The following RAB3GAP1 variants were observed in gnomAD, a reference collection of about 807,000 sequenced individuals.
The protein encoded by RAB3GAP1 is RAB3 GTPase activating protein catalytic subunit 1.
A neutral mutation model predicts 130.7 loss-of-function variants in RAB3GAP1; 86 were observed. The ratio of observed to expected loss-of-function variants is 0.66; its 90% CI spans 0.55 to 0.79. The LOEUF is 0.79. RAB3GAP1 is among the 30% of genes least tolerant of loss of function. The pLI, the probability that RAB3GAP1 is intolerant of heterozygous loss-of-function variation, is 0.00. For synonymous variants in RAB3GAP1, 367 were observed against 401.7 expected, an observed-to-expected ratio of 0.91 and a Z score of 1.03; for missense variants, 1,029 against 1,169.4, an observed-to-expected ratio of 0.88 and a Z score of 1.75.
intron 6 of RAB3GAP1, among the ~76,000 whole-genome samples, chr2:135,113,707 C>G (rs1188490751): frequency 1.3e-5 from 2 of 152,004 alleles, no homozygotes; most frequent in Admixed American, 6.6e-5. Flanking sequence ...GTTCTGAAGA[C>G]TATGTGATTC....
chr2:135,174,449 GTGCTGGGCCAGGGCCTTGCC>G (rs1476265416), downstream of RAB3GAP1, among the ~76,000 whole-genome samples: 1 of 152,216 alleles, frequency 6.6e-6, no homozygotes, highest in African/African-American at 2.4e-5. Flanking sequence ...GCCTGCCTGT[GTGCTGGGCCAGGGCCTTGCC>G]TTAAAACAGC....
chr2:135,117,001 A>T (rs184607759), intron 7 of RAB3GAP1, among the ~76,000 whole-genome samples: 14 of 152,290 alleles, frequency 9.2e-5, no homozygotes, highest in African/African-American at 3.4e-4. Context: ...TAAATAGTGT[A>T]CTGGTAGGAT....
At chr2:135,068,233 T>C (rs1689375808) in intron 3 of RAB3GAP1, among the ~76,000 whole-genome samples, 1 of 152,200 alleles carries the variant, frequency 6.6e-6, no homozygotes, top group South Asian at 2.1e-4. Flanking sequence ...TCAAGTTTAA[T>C]TCTGAGATAG....
At chr2:135,118,581 G>A (rs1193565504) in intron 7 of RAB3GAP1, among the ~76,000 whole-genome samples, 1 of 151,994 alleles carries the variant, frequency 6.6e-6, no homozygotes, top group Non-Finnish European at 1.5e-5. Flanking sequence ...TATGTTTTGG[G>A]AAATTTAGTT....
chr2:135,095,350 A>C (rs1455041683), intron 5 of RAB3GAP1, among the ~76,000 whole-genome samples: 3 of 152,244 alleles, frequency 2.0e-5, no homozygotes, highest in Non-Finnish European at 2.9e-5. Flanking sequence ...GCCCGGCCGC[A>C]GGCAGGCTTT....
At chr2:135,164,772 C>T in intron 23 of RAB3GAP1, 76 bp downstream of exon 23, 1 of 1,178,432 alleles carries the variant, frequency 8.5e-7, no homozygotes, top group Non-Finnish European at 1.2e-6. Flanking sequence ...TTAGTTCCCA[C>T]ACGTGGCTGA....
At chr2:135,163,252 G>C (rs1692522549) in intron 22 of RAB3GAP1, 151 bp downstream of exon 22, 3 of 704,202 alleles carry the variant, frequency 4.3e-6, no homozygotes, top group Non-Finnish European at 7.7e-6. Context: ...AATTATCATA[G>C]CATTTGACCT....
chr2:135,069,784 T>C (rs978664844), intron 3 of RAB3GAP1, among the ~76,000 whole-genome samples: 9 of 152,202 alleles, frequency 5.9e-5, no homozygotes, highest in Non-Finnish European at 1.2e-4. Flanking sequence ...AACAACCTTC[T>C]ACCCCTGCCC....
chr2:135,158,236 A>AT (rs1040413662), intron 19 of RAB3GAP1, among the ~76,000 whole-genome samples: 61 of 151,624 alleles, frequency 4.0e-4, no homozygotes, highest in African/African-American at 1.4e-3. Flanking sequence ...ACATAGCTTG[A>AT]TTTTTTTTTA....
chr2:135,087,540 C>T (rs1690021492), intron 3 of RAB3GAP1, among the ~76,000 whole-genome samples: 1 of 152,186 alleles, frequency 6.6e-6, no homozygotes, highest in South Asian at 2.1e-4. Flanking sequence ...TCTATTAGGT[C>T]TTTAATATCT....
chr2:135,108,803 G>C (rs1336689964), intron 5 of RAB3GAP1, among the ~76,000 whole-genome samples: 2 of 152,092 alleles, frequency 1.3e-5, no homozygotes, highest in African/African-American at 4.8e-5. Flanking sequence ...TGTTCTAGGA[G>C]TTTTATAACT....
chr2:135,138,840 C>G (rs1458670306), intron 17 of RAB3GAP1, among the ~76,000 whole-genome samples: 1 of 152,084 alleles, frequency 6.6e-6, no homozygotes, highest in East Asian at 1.9e-4. Flanking sequence ...TGGTCCTAAA[C>G]TCCTGACCTC....
chr2:135,162,268 C>T, intron 19 of RAB3GAP1: 1 of 347,756 alleles, frequency 2.9e-6, no homozygotes, highest in South Asian at 3.5e-5. Context: ...TGGTTGTTTT[C>T]TCTTGGTATT....
intron 5 of RAB3GAP1, 122 bp from the exon 6 acceptor site, chr2:135,113,027 AAC>A: frequency 7.4e-7 from 1 of 1,347,434 alleles, no homozygotes; most frequent in Non-Finnish European, 1.1e-6. Flanking sequence ...CATTAAAAGA[AAC>A]ACTTTTAGTT....
At chr2:135,112,720 T>A (rs1316789541) in intron 5 of RAB3GAP1, among the ~76,000 whole-genome samples, 11 of 152,158 alleles carry the variant, frequency 7.2e-5, no homozygotes, top group Admixed American at 6.5e-4. Context: ...ATTACAGTGG[T>A]CTTATGAATA....
chr2:135,139,784 G>C (rs1057305441), intron 17 of RAB3GAP1, among the ~76,000 whole-genome samples: 4 of 151,984 alleles, frequency 2.6e-5, no homozygotes, highest in African/African-American at 9.7e-5. Flanking sequence ...TTGAAATGTG[G>C]CTAATGTTTC....
At chr2:135,159,928 G>A (rs1692419857) in intron 19 of RAB3GAP1, among the ~76,000 whole-genome samples, 1 of 152,194 alleles carries the variant, frequency 6.6e-6, no homozygotes, top group Admixed American at 6.5e-5. Flanking sequence ...GAAAGGACCA[G>A]AATAGGCAAG....
intron 3 of RAB3GAP1, 176 bp downstream of exon 3, chr2:135,058,262 G>T (rs1689071792): frequency 1.6e-6 from 1 of 608,218 alleles, no homozygotes; most frequent in African/African-American, 1.9e-5. Flanking sequence ...AATGATATAT[G>T]TAAGACATTT....
intron 3 of RAB3GAP1, among the ~76,000 whole-genome samples, chr2:135,089,024 G>A (rs1443732937): frequency 6.6e-6 from 1 of 152,162 alleles, no homozygotes; most frequent in East Asian, 1.9e-4. Context: ...ATGGTTTTAG[G>A]TCTTATGTTT....
Sources: gnomAD v4.1 joint callset for allele counts (sites outside exome capture counted in the v4.1 genomes callset) on GRCh38, gnomAD v4.1.1 for gene constraint, MANE v1.5 for transcripts, NCBI Gene and HGNC (gene_info 2026-07-23, HGNC 2026-07-21) for gene names.